HPSE2: variants seen among roughly 807,000 people sequenced by gnomAD.
HPSE2 encodes inactive heparanase-2.
A neutral mutation model predicts 60.5 loss-of-function variants in HPSE2; 38 were observed. That is an observed-to-expected ratio of 0.63 (90% CI 0.48 to 0.82). The LOEUF (loss-of-function observed/expected upper bound fraction) is 0.82, where lower values mean the gene tolerates loss of function less well. Ranked by LOEUF, HPSE2 falls within the 40% of genes least tolerant of loss-of-function variation. HPSE2 has a pLI of 0.00. For synonymous variants in HPSE2, 295 were observed against 293.2 expected (o/e 1.01, Z -0.06); for missense variants, 713 against 740.4 (o/e 0.96, Z 0.43).
intron 11 of HPSE2, among the ~76,000 whole-genome samples, chr10:98,467,600 T>C (rs1229416998): frequency 1.3e-5 from 2 of 152,110 alleles, no homozygotes; most frequent in East Asian, 3.9e-4. Context: ...TCCAGTGTGC[T>C]TTCCTAGGGG....
chr10:98,484,383 G>A (rs186880809), intron 10 of HPSE2, among the ~76,000 whole-genome samples: 340 of 152,264 alleles, frequency 2.2e-3, no homozygotes, highest in Middle Eastern at 6.8e-3. Flanking sequence ...GATTACAGGC[G>A]TGCGCCACCA....
At chr10:98,592,883 T>C (rs1350786737) in intron 9 of HPSE2, among the ~76,000 whole-genome samples, 1 of 152,192 alleles carries the variant, frequency 6.6e-6, no homozygotes, top group African/African-American at 2.4e-5. Flanking sequence ...CATTTTATAG[T>C]TGATATATAA....
intron 9 of HPSE2, among the ~76,000 whole-genome samples, chr10:98,511,787 A>C (rs1942417199): frequency 1.3e-5 from 2 of 152,138 alleles, no homozygotes; most frequent in African/African-American, 4.8e-5. Context: ...AAATAACTGC[A>C]AGGTTCAAAG....
At chr10:98,878,289 T>G (rs1403115292) in intron 3 of HPSE2, among the ~76,000 whole-genome samples, 1 of 151,612 alleles carries the variant, frequency 6.6e-6, no homozygotes, top group Admixed American at 6.6e-5. Flanking sequence ...TTCCTGGGAG[T>G]CATGAAAGGC....
At chr10:98,739,541 T>C (rs1268423929) in intron 4 of HPSE2, among the ~76,000 whole-genome samples, 1 of 152,030 alleles carries the variant, frequency 6.6e-6, no homozygotes, top group African/African-American at 2.4e-5. Flanking sequence ...TTAATAAATA[T>C]TGAGGGAATG....
intron 3 of HPSE2, among the ~76,000 whole-genome samples, chr10:98,852,113 A>ATATATATGTGTGTGTGTGTGTGTG (rs779720749): frequency 1.4e-4 from 13 of 91,940 alleles, no homozygotes; most frequent in Non-Finnish European, 1.9e-4. Context: ...GTATATTATG[A>ATATATATGTGTGTGTGTGTGTGTG]TGTGTGTGTG....
chr10:99,132,208 AGAGAGAGAGAGAGAGAGAGAGAGAG>A (rs1564832982), intron 3 of HPSE2, among the ~76,000 whole-genome samples: 6 of 22,808 alleles, frequency 2.6e-4, no homozygotes, highest in Admixed American at 1.8e-3. Context: ...AGAGAGAGAG[AGAGAGAGAGAGAGAGAGAGAGAGAG>A]AGAGAGAGAG....
intron 6 of HPSE2, among the ~76,000 whole-genome samples, chr10:98,651,682 T>A (rs1476791047): frequency 6.6e-6 from 1 of 152,182 alleles, no homozygotes; most frequent in Non-Finnish European, 1.5e-5. Context: ...GAGGAAAGAT[T>A]TGGTTTGAAC....
intron 2 of HPSE2, among the ~76,000 whole-genome samples, chr10:99,177,855 G>T (rs1847592376): frequency 1.3e-5 from 2 of 152,040 alleles, no homozygotes; most frequent in African/African-American, 4.8e-5. Flanking sequence ...TTCTAAAATT[G>T]ACCACATAAT....
At chr10:99,305,961 A>ACGCG in the HPSE2 span, among the ~76,000 whole-genome samples, 9 of 103,066 alleles carry the variant, frequency 8.7e-5, no homozygotes, top group East Asian at 2.5e-3. Context: ...ACTCACACAC[A>ACGCG]CGCGCGCGCG....
the HPSE2 span, among the ~76,000 whole-genome samples, chr10:99,300,939 AACACCCCCATTTT>A: frequency 7.2e-5 from 11 of 152,150 alleles, no homozygotes; most frequent in Non-Finnish European, 1.5e-4. Flanking sequence ...GTCTCCATGT[AACACCCCCATTTT>A]ACCTGTAAAA....
At chr10:98,635,320 G>T (rs537069099) in intron 7 of HPSE2, among the ~76,000 whole-genome samples, 39 of 152,186 alleles carry the variant, frequency 2.6e-4, no homozygotes, top group Admixed American at 1.3e-4. Context: ...AAAACAGTAT[G>T]GAAGTTCCTC....
chr10:99,235,927 A>AAC (rs1402229240), upstream of HPSE2: 90 of 632,310 alleles, frequency 1.4e-4, no homozygotes, highest in African/African-American at 2.1e-3. Flanking sequence ...CCACCCCCCC[A>AAC]ACACACACAC....
At chr10:99,167,959 G>A (rs896593296) in intron 2 of HPSE2, among the ~76,000 whole-genome samples, 1 of 150,696 alleles carries the variant, frequency 6.6e-6, no homozygotes, top group Non-Finnish European at 1.5e-5. Flanking sequence ...AAATATATTC[G>A]TTATACATTT....
chr10:99,142,514 C>T (rs1377448711), intron 3 of HPSE2, among the ~76,000 whole-genome samples: 1 of 152,152 alleles, frequency 6.6e-6, no homozygotes, highest in Non-Finnish European at 1.5e-5. Flanking sequence ...AGCAAGGTAC[C>T]ACCTCTGCAC....
chr10:98,966,506 A>G (rs1694358505), intron 3 of HPSE2, among the ~76,000 whole-genome samples: 2 of 152,264 alleles, frequency 1.3e-5, no homozygotes, highest in South Asian at 4.1e-4. Context: ...TGTTTATACT[A>G]TAATGAAAAG....
At chr10:99,249,494 T>C in the HPSE2 span, among the ~76,000 whole-genome samples, 2 of 152,250 alleles carry the variant, frequency 1.3e-5, no homozygotes, top group Non-Finnish European at 2.9e-5. Flanking sequence ...CATTGTATAC[T>C]GGAAGTAACT....
intron 3 of HPSE2, among the ~76,000 whole-genome samples, chr10:98,924,840 C>A (rs543027049): frequency 3.9e-4 from 59 of 152,154 alleles, no homozygotes; most frequent in Non-Finnish European, 7.1e-4. Flanking sequence ...ACCTAGGACC[C>A]CAGAGCACTT....
intron 6 of HPSE2, among the ~76,000 whole-genome samples, chr10:98,690,412 G>A (rs150606891): frequency 0.35 from 53,465 of 151,704 alleles, 9,608 homozygotes; most frequent in Admixed American, 0.41. Context: ...GTGGTGGTGG[G>A]TACCTGTAGT....
Sources: gnomAD v4.1 joint callset for allele counts (sites outside exome capture counted in the v4.1 genomes callset) on GRCh38, gnomAD v4.1.1 for gene constraint, MANE v1.5 for transcripts, NCBI Gene and HGNC (gene_info 2026-07-23, HGNC 2026-07-21) for gene names.